SMYD2: variants seen among roughly 807,000 people sequenced by gnomAD.
SMYD2 encodes the protein N-lysine methyltransferase SMYD2.
In SMYD2, 53 loss-of-function variants were observed where a neutral mutation model predicts 59.1. The observed-to-expected ratio is 0.90, with a 90% CI of 0.72 to 1.13. The LOEUF is 1.13. SMYD2 is among the 50% of genes most tolerant of loss of function. The pLI, the probability that SMYD2 is intolerant of heterozygous loss-of-function variation, is 0.00. For missense variants in SMYD2, 494 were observed against 544.7 expected (o/e 0.91, Z 0.93); for synonymous variants, 208 against 198.8 (o/e 1.05, Z -0.39).
chr1:214,289,986 T>A (rs1558047906), intron 1 of SMYD2, among the ~76,000 whole-genome samples: 1 of 152,254 alleles, frequency 6.6e-6, no homozygotes, highest in East Asian at 1.9e-4. Context: ...CTGAAGTACC[T>A]GCCTTTTCAG....
Position 214,336,995 on chromosome 1 carries a change from C to A in SMYD2, c.*211C>A. On this transcript the variant is annotated 3_prime_UTR_variant, in exon 12 of 12. Coordinates refer to ENST00000366957, the MANE Select transcript of SMYD2 (RefSeq NM_020197.3). ...AATTAATTTTGAATGCTTTTGTTTC[C>A]TAAGAGATAATGGCATGGTTTCATA... 1 of 491,006 alleles carries A rather than the reference C, an allele frequency of 2.0e-6. No homozygotes were observed. Among genetic ancestry groups the A allele is most frequent in the Admixed American group, 3.9e-5 (1 of 25,608 alleles). 30.4% of individuals were successfully genotyped at this position (491,006 alleles called of 1,614,324 possible). A position where few individuals can be genotyped will look rare whatever the true frequency, so the allele number is the denominator to read the frequency against.
In SMYD2 at chr1:214,327,625, T is replaced by C. The variant is rs957729420; in HGVS notation, c.606T>C (p.Val202=). The C allele has an allele frequency of 2.5e-6, 4 of 1,613,810 alleles. No homozygotes were observed. The African/African-American group carries it at 5.3e-5, about 22-fold the overall frequency. Residue 202 remains valine (V), a synonymous_variant, in exon 7 of 12, where the codon GTT becomes GTC. Transcript: ENST00000366957. ...GGTTTTCTCTTCTGACTGACAGTGT[T>C]GCATTGATGAATCATAGCTGTTGCC... The part of the protein sequence containing the change: ...SHLGSAIFPD[V]ALMNHSCCPN...
chr1:214,318,851 A>G lies in SMYD2; in HGVS notation c.410-8A>G. 6.2e-7 allele frequency: 1 copy of G among 1,613,304 alleles called. No individual in the cohort carries two copies. The highest frequency in any genetic ancestry group is 8.5e-7 in the Non-Finnish European group (1 of 1,179,882). On this transcript the variant is annotated splice_region_variant and splice_polypyrimidine_tract_variant and intron_variant, in intron 4 of 11. Coordinates refer to ENST00000366957, the MANE Select transcript of SMYD2 (RefSeq NM_020197.3). The surrounding 1 kb of genome is among the most constrained non-coding windows in gnomAD (Gnocchi z 5.4). ...CTACTGGGTGAATAATGGATTATTT[A>G]TCCACAGATCTGGATAAGTTAGACA... is the stretch of plus-strand genomic sequence containing the variant.
Position 214,281,317 on chromosome 1 carries a change from G to T in SMYD2, c.63G>T (p.Leu21=). Residue 21 remains leucine (L), a synonymous_variant, in exon 1 of 12, where the codon CTG becomes CTT. Coordinates refer to ENST00000366957, the MANE Select transcript of SMYD2 (RefSeq NM_020197.3). The part of the protein sequence containing the change: ...RFCSPGKGRG[L]RALQPFQVGD... Reference sequence around the variant, plus strand: ...GCAGCCCGGGCAAAGGCCGGGGGCTGCGGGCTCTGCAGCCCTTCCAGGTGG... The same window carrying T: ...GCAGCCCGGGCAAAGGCCGGGGGCTTCGGGCTCTGCAGCCCTTCCAGGTGG... 1 of 1,414,574 alleles carries T rather than the reference G, an allele frequency of 7.1e-7. No homozygotes were observed. The allele number at this position is 1,414,574 out of a possible 1,614,324, so 87.6% of individuals were successfully genotyped here.
rs149514170 is a variant in SMYD2 at position 214,316,105 on chromosome 1, G to A, written c.348+1233G>A. ...TGGGGCTTAGAAGGCATATGTCCAG[G>A]CTGTGGAGGTCTTGCTCCTCAGTGC... On this transcript the variant is annotated intron_variant, in intron 3 of 11. Coordinates refer to ENST00000366957, the MANE Select transcript of SMYD2 (RefSeq NM_020197.3). 9.5e-4 allele frequency among the ~76,000 whole-genome samples: 145 copies of A among 152,310 alleles called. 1 individual carries two copies. The highest frequency in any genetic ancestry group is 6.8e-3 in the Middle Eastern group (2 of 294).
In SMYD2 at chr1:214,332,085, T is replaced by C. The variant is rs376272776; in HGVS notation, c.1005T>C (p.Ser335=). 3.7e-6 allele frequency: 6 copies of C among 1,613,972 alleles called. No individual in the cohort carries two copies. The African/African-American group carries it at 6.7e-5, about 18-fold the overall frequency. ...AGATGAGCTCTGTGTTTGAGGACAG[T>C]AACGTGTACATGTTGCACATGATGT... ...QEKMSSVFED[S]NVYMLHMMYQ... The change falls in exon 10 of 12, where the codon AGT becomes AGC. Residue 335 remains serine, a synonymous_variant. Transcript: ENST00000366957.
At chr1:214,289,953 G>A (rs1199499855) in intron 1 of SMYD2, among the ~76,000 whole-genome samples, 1 of 152,236 alleles carries the variant, frequency 6.6e-6, no homozygotes, top group Non-Finnish European at 1.5e-5. Context: ...GTTTAGGGGT[G>A]CAGTCCTTTG....
At chr1:214,306,991 T>C (rs1472616636) in intron 2 of SMYD2, among the ~76,000 whole-genome samples, 1 of 152,190 alleles carries the variant, frequency 6.6e-6, no homozygotes, top group Non-Finnish European at 1.5e-5. Context: ...ACTAACATGG[T>C]GAAACCCCGT....
intron 3 of SMYD2, among the ~76,000 whole-genome samples, chr1:214,315,972 T>C (rs1034206895): frequency 6.6e-6 from 1 of 152,224 alleles, no homozygotes; most frequent in East Asian, 1.9e-4. Context: ...TGGTTCATTC[T>C]TGCTGATTGC....
chr1:214,325,261 G>A (rs1009644578), intron 6 of SMYD2, among the ~76,000 whole-genome samples: 2 of 152,234 alleles, frequency 1.3e-5, no homozygotes, highest in Non-Finnish European at 2.9e-5. Flanking sequence ...TTCAGCAAAG[G>A]CTAGCCAGTT....
At chr1:214,293,830 C>G (rs1242092093) in intron 1 of SMYD2, among the ~76,000 whole-genome samples, 1 of 152,122 alleles carries the variant, frequency 6.6e-6, no homozygotes, top group African/African-American at 2.4e-5. Context: ...GCACCCGCCA[C>G]CACGCCCAGT....
chr1:214,325,735 A>G (rs1657249150), intron 6 of SMYD2, among the ~76,000 whole-genome samples: 2 of 148,184 alleles, frequency 1.3e-5, no homozygotes, highest in African/African-American at 5.0e-5. Flanking sequence ...CCAAAATGGC[A>G]TCATCTGCAG....
At chr1:214,333,769 G>T (rs1571936551) in intron 10 of SMYD2, 1 of 162,418 alleles carries the variant, frequency 6.2e-6, no homozygotes, top group Non-Finnish European at 1.4e-5. Context: ...ACACATTGGG[G>T]TGGGTGGGGG....
At chr1:214,322,838 A>G (rs1657194366) in intron 5 of SMYD2, among the ~76,000 whole-genome samples, 1 of 152,196 alleles carries the variant, frequency 6.6e-6, no homozygotes, top group African/African-American at 2.4e-5. Flanking sequence ...TAGTAATGCT[A>G]TAGTGATATT....
chr1:214,281,408 T>C lies in SMYD2; in HGVS notation c.154T>C (p.Cys52Arg). 1.4e-6 allele frequency: 2 copies of C among 1,448,354 alleles called. No individual in the cohort carries two copies. Among genetic ancestry groups the C allele is most frequent in the South Asian group, 1.5e-5 (1 of 65,062 alleles). The allele number at this position is 1,448,354 out of a possible 1,614,324, so 89.7% of individuals were successfully genotyped here. The change falls in exon 1 of 12, where the codon TGC (cysteine) becomes CGC (arginine). Residue 52 changes from cysteine to arginine, a missense_variant. Physicochemically the swap from Cys to Arg is radical, Grantham distance 180. Coordinates refer to ENST00000366957, the MANE Select transcript of SMYD2 (RefSeq NM_020197.3). ...CACGGTCAACGAGCGGGGCAACCAC[T>C]GCGAGTACTGCTTCACCAGGTAGGG... ...VLTVNERGNH[C>R]EYCFTRKEGL...
At chr1:214,286,819 C>T (rs1558047027) in intron 1 of SMYD2, among the ~76,000 whole-genome samples, 1 of 148,340 alleles carries the variant, frequency 6.7e-6, no homozygotes, top group Non-Finnish European at 1.5e-5. Context: ...ACAACCCTAG[C>T]ACATAGTGAG....
chr1:214,313,498 T>G (rs1329145122), intron 2 of SMYD2, among the ~76,000 whole-genome samples: 5 of 151,544 alleles, frequency 3.3e-5, no homozygotes, highest in African/African-American at 1.2e-4. Context: ...CAACGTGCTC[T>G]GATATTTCCC....
In SMYD2 at chr1:214,296,282, G is replaced by T. The variant is rs151207813; in HGVS notation, c.174-8905G>T. Among the ~76,000 whole-genome samples the T allele has an allele frequency of 3.4e-3, 522 of 152,354 alleles. 7 individuals carry two copies. Among genetic ancestry groups the T allele is most frequent in the South Asian group, 0.025 (120 of 4,830 alleles). ...TAAAAGCAAGGAAATTAATCACTGT[G>T]TGTGTCTCCTCCAGTAGGAAATGAC... is the stretch of plus-strand genomic sequence containing the variant. On this transcript the variant is annotated intron_variant, in intron 1 of 11. Transcript: ENST00000366957.
chr1:214,281,899 G>A (rs1306214419), intron 1 of SMYD2, among the ~76,000 whole-genome samples: 2 of 152,232 alleles, frequency 1.3e-5, no homozygotes, highest in Admixed American at 1.3e-4. Context: ...TTTCTTCCAA[G>A]GAATTTAATG....
Sources: allele counts gnomAD v4.1 joint callset (sites outside exome capture counted in the v4.1 genomes callset), GRCh38; gene constraint gnomAD v4.1.1; non-coding constraint Gnocchi (gnomAD v3.1); transcripts MANE v1.5; gene names NCBI Gene and HGNC (gene_info 2026-07-23, HGNC 2026-07-21).